NPHP1: variants seen among roughly 807,000 people sequenced by gnomAD.
NPHP1 encodes nephrocystin-1.
In NPHP1, 70 loss-of-function variants were observed where a neutral mutation model predicts 90.4. The observed-to-expected ratio is 0.77, with a 90% CI of 0.64 to 0.95. The LOEUF (loss-of-function observed/expected upper bound fraction) is 0.95, where lower values mean the gene tolerates loss of function less well. Ranked by LOEUF, NPHP1 falls within the 40% of genes least tolerant of loss-of-function variation. The probability of loss-of-function intolerance (pLI) is 0.00; values close to 1 mark genes in which losing one functional copy is unlikely to be tolerated. For missense variants in NPHP1, 764 were observed against 795.9 expected (o/e 0.96, Z 0.48); for synonymous variants, 256 against 271.7 (o/e 0.94, Z 0.57).
intron 12 of NPHP1, among the ~76,000 whole-genome samples, chr2:110,149,348 T>C (rs1007317204): frequency 1.3e-5 from 2 of 152,122 alleles, no homozygotes; most frequent in Non-Finnish European, 2.9e-5. Context: ...CCCTAAACTC[T>C]TCACATACAC....
chr2:110,142,219 TC>T (rs1680700456), intron 16 of NPHP1, among the ~76,000 whole-genome samples: 1 of 152,056 alleles, frequency 6.6e-6, no homozygotes, highest in Non-Finnish European at 1.5e-5. Flanking sequence ...TTGTAGTATA[TC>T]TATCAAAGGG....
Position 110,178,499 on chromosome 2 carries a change from C to T in NPHP1, c.253G>A (p.Glu85Lys). 1 of 1,613,570 alleles carries T rather than the reference C, an allele frequency of 6.2e-7. No homozygotes were observed. The highest frequency in any genetic ancestry group is 1.1e-5 in the South Asian group (1 of 91,050). ...VANYNQRKEEEHTLLDKLTQQ... is the reference protein window; with the variant it reads ...VANYNQRKEEKHTLLDKLTQQ... Reference sequence around the variant, plus strand: ...GTAAGCTTGTCCAAAAGAGTATGCTCCTCTTCTTTTCTCTGATTATAGTTT... The same window carrying T: ...GTAAGCTTGTCCAAAAGAGTATGCTTCTCTTCTTTTCTCTGATTATAGTTT... The change falls in exon 4 of 20, where the codon GAG becomes AAG. Residue 85 changes from glutamate (E) to lysine (K), a missense_variant. Coordinates refer to ENST00000445609, the MANE Select transcript of NPHP1 (RefSeq NM_001128178.3).
intron 9 of NPHP1, 126 bp downstream of exon 9, chr2:110,162,922 T>C (rs954417982): frequency 1.4e-6 from 1 of 727,140 alleles, no homozygotes; most frequent in Non-Finnish European, 2.5e-6. Context: ...GAGGAAAAGA[T>C]GAGCACCAAA....
intron 1 of NPHP1, among the ~76,000 whole-genome samples, chr2:110,202,841 A>G (rs969855761): frequency 1.3e-5 from 2 of 152,174 alleles, no homozygotes; most frequent in African/African-American, 4.8e-5. Flanking sequence ...AAATTAGTTC[A>G]GCCACTGTGG....
chr2:110,157,585 C>A (rs1682002477), intron 11 of NPHP1, among the ~76,000 whole-genome samples: 1 of 152,060 alleles, frequency 6.6e-6, no homozygotes, highest in South Asian at 2.1e-4. Context: ...TTGAATGTTG[C>A]CACCATCCAT....
chr2:110,143,566 T>G lies in NPHP1; in HGVS notation c.1505A>C (p.Asn502Thr), dbSNP rs747310233. The G allele has an allele frequency of 6.2e-7, 1 of 1,613,052 alleles. No homozygotes were observed. The highest frequency in any genetic ancestry group is 2.2e-5 in the East Asian group (1 of 44,862). The change falls in exon 16 of 20, where the codon AAC becomes ACC. Residue 502 changes from asparagine to threonine, a missense_variant. Transcript: ENST00000445609. ...PQLLVKLRSL[N>T]RRSRNVLSLL... ...CCTTAGTACATTTCTTGATCTTCTG[T>G]TCAAGGATCTCAGTTTCACTAGAAG...
Position 110,168,447 on chromosome 2 carries a change from C to A in NPHP1, c.624+5G>T. On this transcript the variant is annotated splice_donor_5th_base_variant and intron_variant, in intron 6 of 19. Coordinates refer to ENST00000445609, the MANE Select transcript of NPHP1 (RefSeq NM_001128178.3). ...TAGAAAAGGAAGGCATAAACCAAGACTAACCTCTAGGTAGGTTCTGGGAAC... is the reference window on the plus strand; with the variant it reads ...TAGAAAAGGAAGGCATAAACCAAGAATAACCTCTAGGTAGGTTCTGGGAAC... 6.4e-7 allele frequency: 1 copy of A among 1,567,832 alleles called. No homozygotes were observed. Among genetic ancestry groups the A allele is most frequent in the Non-Finnish European group, 8.8e-7 (1 of 1,138,536 alleles).
intron 4 of NPHP1, among the ~76,000 whole-genome samples, chr2:110,175,314 C>A (rs1339640436): frequency 6.6e-6 from 1 of 152,116 alleles, no homozygotes; most frequent in Non-Finnish European, 1.5e-5. Flanking sequence ...CTTCTTCAAT[C>A]CTTTTTGAAG....
At position 110,201,477 on chromosome 2, in the gene NPHP1, A is replaced by G. The variant is rs1206588185; in HGVS notation, c.87T>C (p.Ser29=). ...ELKQQVDSLL[S]ESQLKEALEP... ...CTAGAGCTTCTTTCAGTTGGCTCTCAGAAAGCAAACTATCAACCTATGGAG... is the reference window on the plus strand; with the variant it reads ...CTAGAGCTTCTTTCAGTTGGCTCTCGGAAAGCAAACTATCAACCTATGGAG... Residue 29 remains serine, a synonymous_variant, in exon 2 of 20, where the codon TCT becomes TCC. Coordinates refer to ENST00000445609, the MANE Select transcript of NPHP1 (RefSeq NM_001128178.3). 6.2e-7 allele frequency: 1 copy of G among 1,610,048 alleles called. No individual in the cohort carries two copies.
chr2:110,131,137 A>G (rs921837291), intron 17 of NPHP1, among the ~76,000 whole-genome samples: 9 of 152,206 alleles, frequency 5.9e-5, no homozygotes, highest in African/African-American at 2.2e-4. Context: ...TCAATCATGT[A>G]TGGTGACTCA....
chr2:110,149,243 C>T lies in NPHP1; in HGVS notation c.1158+939G>A, dbSNP rs1476630857. Among the ~76,000 whole-genome samples the T allele has an allele frequency of 1.3e-5, 2 of 152,192 alleles. 1 individual carries two copies. The highest frequency in any genetic ancestry group is 4.8e-5 in the African/African-American group (2 of 41,446). ...GTTTCCACGTGCCTAGGAAAAAATG[C>T]TTGCACATAACTGATGTTTAATTTC... On this transcript the variant is annotated intron_variant, in intron 12 of 19. Coordinates refer to ENST00000445609, the MANE Select transcript of NPHP1 (RefSeq NM_001128178.3).
At chr2:110,129,164 CA>C (rs1400122626) in intron 18 of NPHP1, 21 bp downstream of exon 18, 1 of 1,590,986 alleles carries the variant, frequency 6.3e-7, no homozygotes, top group East Asian at 2.2e-5. Context: ...AGCAGGTTTC[CA>C]TTGCAATGCA....
intron 2 of NPHP1, among the ~76,000 whole-genome samples, chr2:110,190,876 C>G (rs1360966702): frequency 1.3e-5 from 2 of 151,962 alleles, no homozygotes; most frequent in African/African-American, 2.4e-5. Context: ...AAAAAAAAAC[C>G]CCATTAAAAA....
chr2:110,194,516 T>C (rs1012664799), intron 2 of NPHP1, among the ~76,000 whole-genome samples: 8 of 152,032 alleles, frequency 5.3e-5, no homozygotes, highest in Non-Finnish European at 1.0e-4. Context: ...CAATAATTAA[T>C]AGCTTACCAA....
At chr2:110,137,582 G>C (rs1225986539) in intron 16 of NPHP1, among the ~76,000 whole-genome samples, 28 of 152,204 alleles carry the variant, frequency 1.8e-4, no homozygotes, top group South Asian at 6.2e-4. Context: ...AAATGCTCAT[G>C]ATCACTGGCC....
At chr2:110,131,655 A>C in intron 17 of NPHP1, 24 bp downstream of exon 17, 2 of 1,344,796 alleles carry the variant, frequency 1.5e-6, no homozygotes, top group African/African-American at 1.4e-5. Flanking sequence ...TACTGCACAT[A>C]AGGAAGTGGC....
At chr2:110,164,599 T>G (rs139787582) in intron 8 of NPHP1, 89 bp downstream of exon 8, 1 of 1,608,984 alleles carries the variant, frequency 6.2e-7, no homozygotes, top group Non-Finnish European at 8.5e-7. Flanking sequence ...TTCAGATCCA[T>G]TGGTGTCTTC....
chr2:110,138,885 C>T (rs977190783), intron 16 of NPHP1, among the ~76,000 whole-genome samples: 1 of 152,106 alleles, frequency 6.6e-6, no homozygotes, highest in Non-Finnish European at 1.5e-5. Flanking sequence ...TTCCTTCTGG[C>T]ACTTTCTCAC....
At chr2:110,154,595 C>G (rs575337918) in intron 11 of NPHP1, among the ~76,000 whole-genome samples, 2 of 152,184 alleles carry the variant, frequency 1.3e-5, no homozygotes, top group South Asian at 2.1e-4. Context: ...CTGAGGTAGT[C>G]TCTGATGGAG....
Sources: gnomAD v4.1 joint callset for allele counts (sites outside exome capture counted in the v4.1 genomes callset) on GRCh38, gnomAD v4.1.1 for gene constraint, MANE v1.5 for transcripts, NCBI Gene and HGNC (gene_info 2026-07-23, HGNC 2026-07-21) for gene names.